CEP85L: variants seen among roughly 807,000 people sequenced by gnomAD.
CEP85L encodes centrosomal protein 85L.
A neutral mutation model predicts 100.3 loss-of-function variants in CEP85L; 60 were observed. That is an observed-to-expected ratio of 0.60 (90% CI 0.49 to 0.74). The LOEUF (loss-of-function observed/expected upper bound fraction) is 0.74. Ranked by LOEUF, CEP85L falls within the 30% of genes least tolerant of loss-of-function variation. CEP85L has a pLI of 0.00. For synonymous variants in CEP85L, 319 were observed against 322.7 expected (o/e 0.99, Z 0.12); for missense variants, 973 against 936.2 (o/e 1.04, Z -0.51).
chr6:118,554,427 G>A (rs1014959832), intron 3 of CEP85L, among the ~76,000 whole-genome samples: 14 of 152,140 alleles, frequency 9.2e-5, no homozygotes, highest in African/African-American at 3.1e-4. Context: ...AATTATAGAT[G>A]TGAGCCACCA....
intron 1 of CEP85L, 107 bp from the exon 2 acceptor site, chr6:118,632,718 C>A: frequency 2.8e-6 from 2 of 726,086 alleles, no homozygotes; most frequent in African/African-American, 1.8e-5. Flanking sequence ...ATAAAAGGTT[C>A]TTTTCTGCCC....
intron 4 of CEP85L, among the ~76,000 whole-genome samples, chr6:118,521,852 T>C (rs1309994010): frequency 6.6e-6 from 1 of 152,174 alleles, no homozygotes; most frequent in Non-Finnish European, 1.5e-5. Context: ...AATGAGCAAC[T>C]TGAGTTATTT....
chr6:118,590,347 G>A (rs923875143), intron 2 of CEP85L, among the ~76,000 whole-genome samples: 5 of 152,204 alleles, frequency 3.3e-5, no homozygotes, highest in African/African-American at 1.2e-4. Flanking sequence ...GGGCTGAGCC[G>A]GCAAGCTTTG....
chr6:118,677,665 T>C (rs936324136), intron 1 of CEP85L, among the ~76,000 whole-genome samples: 1 of 152,156 alleles, frequency 6.6e-6, no homozygotes, highest in African/African-American at 2.4e-5. Flanking sequence ...AAAGTGAACT[T>C]ATCATATTCA....
chr6:118,562,918 G>A (rs1199087974), intron 3 of CEP85L, among the ~76,000 whole-genome samples: 2 of 152,206 alleles, frequency 1.3e-5, no homozygotes, highest in Admixed American at 1.3e-4. Context: ...GTTACGTGTA[G>A]AAGTGTTTAT....
chr6:118,602,535 G>A (rs1419371135), intron 2 of CEP85L, among the ~76,000 whole-genome samples: 1 of 152,164 alleles, frequency 6.6e-6, no homozygotes, highest in East Asian at 1.9e-4. Context: ...CACCTGGTTG[G>A]TTCACAGGAA....
At chr6:118,600,303 GT>G (rs1562297810) in intron 2 of CEP85L, among the ~76,000 whole-genome samples, 904 of 33,904 alleles carry the variant, frequency 0.027, 138 homozygotes, top group Middle Eastern at 0.056. Context: ...TCCTGGGGGT[GT>G]GTGTGTGTGT....
At chr6:118,469,042 C>A in intron 12 of CEP85L, 30 bp downstream of exon 12, 1 of 1,514,176 alleles carries the variant, frequency 6.6e-7, no homozygotes, top group South Asian at 1.1e-5. Context: ...CTAATTGCCA[C>A]AAAATAAGGA....
At chr6:118,607,260 T>G (rs1449553497) in intron 2 of CEP85L, among the ~76,000 whole-genome samples, 1 of 151,728 alleles carries the variant, frequency 6.6e-6, no homozygotes, top group Non-Finnish European at 1.5e-5. Flanking sequence ...TCACCCTGAG[T>G]AATAGAAAAG....
At chr6:118,647,154 G>C (rs193206563) in intron 1 of CEP85L, 2 of 723,134 alleles carry the variant, frequency 2.8e-6, no homozygotes, top group East Asian at 2.6e-4. Context: ...AATATTATTA[G>C]TTGTAACCAT....
chr6:118,528,029 T>C (rs1777074231), intron 3 of CEP85L, among the ~76,000 whole-genome samples: 1 of 152,110 alleles, frequency 6.6e-6, no homozygotes, highest in East Asian at 1.9e-4. Flanking sequence ...ATCCACACCA[T>C]ATTATTTGAA....
intron 3 of CEP85L, among the ~76,000 whole-genome samples, chr6:118,552,260 A>G (rs1333049599): frequency 6.6e-6 from 1 of 152,110 alleles, no homozygotes; most frequent in Non-Finnish European, 1.5e-5. Context: ...AATCCCAGGA[A>G]TTTATTATTT....
chr6:118,529,057 T>C (rs1036796431), intron 3 of CEP85L, among the ~76,000 whole-genome samples: 1 of 152,206 alleles, frequency 6.6e-6, no homozygotes, highest in African/African-American at 2.4e-5. Flanking sequence ...AAATCAGGTA[T>C]CTACCCCGGA....
intron 2 of CEP85L, among the ~76,000 whole-genome samples, chr6:118,576,328 C>T (rs1583089105): frequency 6.6e-6 from 1 of 152,194 alleles, no homozygotes. Flanking sequence ...CTGGGAAGGA[C>T]CTTACCTGGT....
chr6:118,603,840 T>C (rs1004508659), intron 2 of CEP85L, among the ~76,000 whole-genome samples: 1 of 152,236 alleles, frequency 6.6e-6, no homozygotes, highest in Non-Finnish European at 1.5e-5. Context: ...ATAAATCGCC[T>C]TCTAAAGAGG....
chr6:118,709,578 A>C lies in CEP85L; in HGVS notation c.-28+458T>G, dbSNP rs1055951587. On this transcript the variant is annotated intron_variant, in intron 1 of 13. Transcript: ENST00000368488. ...GTGTGAGAGAGAGAGAGAGAGAGAGAGAGAGCGCTCCCAGTTGGCCAAGTA... is the reference window on the plus strand; with the variant it reads ...GTGTGAGAGAGAGAGAGAGAGAGAGCGAGAGCGCTCCCAGTTGGCCAAGTA... 3.7e-5 allele frequency among the ~76,000 whole-genome samples: 4 copies of C among 108,530 alleles called. No individual in the cohort carries two copies. In the East Asian group the frequency reaches 8.8e-4, roughly 24 times the overall value. The allele number at this position is 108,530 out of a possible 152,430, so 71.2% of individuals were successfully genotyped here.
At chr6:118,574,417 C>G (rs550272263) in intron 2 of CEP85L, among the ~76,000 whole-genome samples, 1 of 152,220 alleles carries the variant, frequency 6.6e-6, no homozygotes, top group African/African-American at 2.4e-5. Context: ...TCGTTACTGA[C>G]GCAGGCACCA....
chr6:118,683,758 C>T (rs1776741074), intron 1 of CEP85L, among the ~76,000 whole-genome samples: 1 of 152,222 alleles, frequency 6.6e-6, no homozygotes, highest in Non-Finnish European at 1.5e-5. Context: ...ATGATCAACT[C>T]TGTAAAAGCC....
At chr6:118,685,966 A>T (rs1254254544) in intron 1 of CEP85L, among the ~76,000 whole-genome samples, 1 of 152,190 alleles carries the variant, frequency 6.6e-6, no homozygotes, top group Non-Finnish European at 1.5e-5. Context: ...GGAAATGGGG[A>T]ATGCTTGGAA....
Sources: allele counts gnomAD v4.1 joint callset (sites outside exome capture counted in the v4.1 genomes callset), GRCh38; gene constraint gnomAD v4.1.1; transcripts MANE v1.5; gene names NCBI Gene and HGNC (gene_info 2026-07-23, HGNC 2026-07-21).